FMN1: variants seen among roughly 807,000 people sequenced by gnomAD.
The protein encoded by FMN1 is formin-1.
In FMN1, 110 loss-of-function variants were observed where a neutral mutation model predicts 132.4. The ratio of observed to expected loss-of-function variants is 0.83; its 90% CI spans 0.71 to 0.97. FMN1 has a LOEUF of 0.97. Among genes scored for constraint, FMN1 ranks in the 50% least tolerant of loss-of-function variants. The pLI, the probability that FMN1 is intolerant of heterozygous loss-of-function variation, is 0.00. For synonymous variants in FMN1, 722 were observed against 651.7 expected, an observed-to-expected ratio of 1.11 and a Z score of -1.64; for missense variants, 1,792 against 1,705.3, an observed-to-expected ratio of 1.05 and a Z score of -0.90.
At chr15:33,101,874 C>CGTGG (rs2039306849) in intron 4 of FMN1, among the ~76,000 whole-genome samples, 2 of 152,130 alleles carry the variant, frequency 1.3e-5, no homozygotes, top group African/African-American at 4.8e-5. Flanking sequence ...TATAACCCCA[C>CGTGG]ATAGGTATCC....
chr15:33,170,574 T>C (rs1248470009), intron 3 of FMN1, among the ~76,000 whole-genome samples: 2 of 147,986 alleles, frequency 1.4e-5, no homozygotes, highest in African/African-American at 2.5e-5. Context: ...AAAAAACCCG[T>C]TGAAAAATGG....
chr15:32,916,134 C>G (rs2060677999), intron 10 of FMN1, among the ~76,000 whole-genome samples: 1 of 152,182 alleles, frequency 6.6e-6, no homozygotes, highest in African/African-American at 2.4e-5. Context: ...ATCACAAATT[C>G]AAACTAACAG....
intron 4 of FMN1, among the ~76,000 whole-genome samples, chr15:33,090,857 T>C (rs1228223375): frequency 6.6e-6 from 1 of 152,190 alleles, no homozygotes; most frequent in Admixed American, 6.5e-5. Context: ...GCTTATATTT[T>C]AACAGATGAA....
intron 5 of FMN1, among the ~76,000 whole-genome samples, chr15:33,072,970 C>T (rs1320469988): frequency 1.3e-5 from 2 of 151,350 alleles, no homozygotes; most frequent in African/African-American, 4.9e-5. Flanking sequence ...TAAGTGTATA[C>T]CTAGTGAGAT....
At chr15:32,897,981 G>A (rs347926) in intron 15 of FMN1, among the ~76,000 whole-genome samples, 8,197 of 152,192 alleles carry the variant, frequency 0.054, 714 homozygotes, top group African/African-American at 0.18. Flanking sequence ...AAAAGTTTGG[G>A]GGGCGGGGAA....
chr15:33,140,879 CTTATT>C (rs1474860617), intron 4 of FMN1, among the ~76,000 whole-genome samples: 1 of 152,114 alleles, frequency 6.6e-6, no homozygotes. Flanking sequence ...AAACTAGGAT[CTTATT>C]TTAATTGTCA....
intron 4 of FMN1, among the ~76,000 whole-genome samples, chr15:33,121,956 A>G (rs1322810536): frequency 1.3e-5 from 2 of 152,230 alleles, no homozygotes; most frequent in African/African-American, 4.8e-5. Flanking sequence ...TTACCAATTA[A>G]TTCATTTATT....
chr15:33,011,783 A>G (rs1170562930), intron 6 of FMN1, among the ~76,000 whole-genome samples: 2 of 152,300 alleles, frequency 1.3e-5, no homozygotes, highest in South Asian at 2.1e-4. Context: ...AAAAATGAGC[A>G]AAAAGCATCA....
At chr15:32,811,155 G>A (rs2057863685) in intron 17 of FMN1, 1 of 453,352 alleles carries the variant, frequency 2.2e-6, no homozygotes, top group Admixed American at 2.4e-5. Context: ...TTTGGAACCA[G>A]TTTGTGATGC....
At chr15:33,066,745 C>A in intron 5 of FMN1, 3 of 1,613,992 alleles carry the variant, frequency 1.9e-6, no homozygotes, top group Non-Finnish European at 2.5e-6. Flanking sequence ...CAGGGCCGCT[C>A]TGGCTCTCTT....
intron 17 of FMN1, among the ~76,000 whole-genome samples, chr15:32,818,448 G>A (rs561302168): frequency 2.0e-5 from 3 of 152,110 alleles, no homozygotes; most frequent in East Asian, 3.9e-4. Flanking sequence ...TGTTTATGAA[G>A]GATTATTAAA....
At chr15:32,981,603 C>T (rs1178971188) in intron 7 of FMN1, among the ~76,000 whole-genome samples, 1 of 150,292 alleles carries the variant, frequency 6.7e-6, no homozygotes, top group East Asian at 1.9e-4. Context: ...GCCTTTGAGT[C>T]AACTTTTCAG....
At chr15:32,913,738 T>C (rs1482841686) in intron 10 of FMN1, among the ~76,000 whole-genome samples, 1 of 152,228 alleles carries the variant, frequency 6.6e-6, no homozygotes, top group African/African-American at 2.4e-5. Flanking sequence ...CCCAGTAGAC[T>C]GTGAAAGCCT....
intron 19 of FMN1, among the ~76,000 whole-genome samples, chr15:32,780,067 T>C (rs1002595028): frequency 5.9e-5 from 9 of 152,342 alleles, no homozygotes; most frequent in Admixed American, 5.2e-4. Flanking sequence ...GGGAACTCTC[T>C]GTGTGCCTTA....
intron 4 of FMN1, among the ~76,000 whole-genome samples, chr15:33,131,683 G>A (rs1024220029): frequency 1.3e-5 from 2 of 152,122 alleles, no homozygotes; most frequent in Admixed American, 6.5e-5. Flanking sequence ...AAAGCAACCA[G>A]CCCGAGCAGC....
chr15:33,096,041 T>C (rs984545522), intron 4 of FMN1, among the ~76,000 whole-genome samples: 1 of 150,614 alleles, frequency 6.6e-6, no homozygotes, highest in African/African-American at 2.4e-5. Context: ...TAAATGTGAT[T>C]GAGCATACAC....
chr15:32,875,896 C>T (rs1048783113), intron 16 of FMN1, among the ~76,000 whole-genome samples: 8 of 152,182 alleles, frequency 5.3e-5, no homozygotes, highest in South Asian at 2.1e-4. Context: ...GCTTGGCAGT[C>T]AAGGACCTGA....
rs539245532 is a variant in FMN1 at position 32,960,995 on chromosome 15, C to CAAAAAAAAAAAAAA, written c.3138+3098_3138+3111dup. 3.4e-4 allele frequency among the ~76,000 whole-genome samples: 20 copies of CAAAAAAAAAAAAAA among 59,094 alleles called. 1 individual carries two copies. The East Asian group carries it at 0.011, about 33-fold the overall frequency. The allele number at this position is 59,094 out of a possible 152,430, so 38.8% of individuals were successfully genotyped here. On this transcript the variant is annotated intron_variant, in intron 9 of 20. Coordinates refer to ENST00000616417, the MANE Select transcript of FMN1 (RefSeq NM_001277313.2). ...AGATGACAAGAGTGAGACTCCGTCT[C>CAAAAAAAAAAAAAA]AAAAAAAAAAAAAAAAAAAAAAAAG...
At chr15:33,128,551 G>A (rs1216705048) in intron 4 of FMN1, among the ~76,000 whole-genome samples, 2 of 152,116 alleles carry the variant, frequency 1.3e-5, no homozygotes, top group East Asian at 1.9e-4. Flanking sequence ...AACACATACC[G>A]AGTCCGGAGT....
Sources: allele counts gnomAD v4.1 joint callset (sites outside exome capture counted in the v4.1 genomes callset), GRCh38; gene constraint gnomAD v4.1.1; transcripts MANE v1.5; gene names NCBI Gene and HGNC (gene_info 2026-07-23, HGNC 2026-07-21).